Variants in DHX35 observed in about 807,000 individuals in gnomAD.
DHX35 encodes the protein DEAH-box helicase 35, also known as probable ATP-dependent RNA helicase DHX35.
Under a neutral mutation model 99.6 loss-of-function variants are expected in DHX35, and 84 were observed. The observed-to-expected ratio is 0.84, with a 90% CI of 0.71 to 1.01. The LOEUF is 1.01. Among genes scored for constraint, DHX35 ranks in the 50% least tolerant of loss-of-function variants. DHX35 has a pLI of 0.00. For synonymous variants in DHX35, 331 were observed against 316.2 expected, an observed-to-expected ratio of 1.05 and a Z score of -0.50; for missense variants, 852 against 888.5, an observed-to-expected ratio of 0.96 and a Z score of 0.52.
chr20:39,026,633 C>G (rs1024171695), intron 18 of DHX35, among the ~76,000 whole-genome samples: 2 of 152,100 alleles, frequency 1.3e-5, no homozygotes, highest in Non-Finnish European at 2.9e-5. Context: ...GGAGTCCGGT[C>G]AAGCTTTGGG....
Position 39,001,833 on chromosome 20 carries a change from A to C in DHX35, c.746A>C (p.Tyr249Ser). 6.2e-7 allele frequency: 1 copy of C among 1,610,956 alleles called. No individual in the cohort carries two copies. Among genetic ancestry groups the C allele is most frequent in the Non-Finnish European group, 8.5e-7 (1 of 1,177,508 alleles). ...AGAACATTTCCGGTGGATATCTTTTATCTACAAAGGTTTGATGATGCTTGA... is the reference window on the plus strand; with the variant it reads ...AGAACATTTCCGGTGGATATCTTTTCTCTACAAAGGTTTGATGATGCTTGA... Reference protein sequence around the residue: ...EGRTFPVDIFYLQSPVPDYIK... With the variant: ...EGRTFPVDIFSLQSPVPDYIK... The change falls in exon 9 of 22, where the codon TAT becomes TCT. Residue 249 changes from tyrosine (Y) to serine (S), a missense_variant. Transcript: ENST00000252011.
intron 3 of DHX35, among the ~76,000 whole-genome samples, chr20:38,983,050 T>A (rs888477427): frequency 3.3e-5 from 5 of 151,778 alleles, no homozygotes; most frequent in African/African-American, 4.8e-5. Context: ...CTCAGCCTCC[T>A]GAGTAGTCAC....
intron 13 of DHX35, 142 bp downstream of exon 13, chr20:39,010,546 C>T (rs2145912482): frequency 8.5e-7 from 1 of 1,179,158 alleles, no homozygotes; most frequent in Middle Eastern, 3.0e-4. Context: ...CAACCAGGCC[C>T]TGTGCAGGAC....
Position 38,994,888 on chromosome 20 carries a change from C to G in DHX35, c.642+8C>G. On this transcript the variant is annotated splice_region_variant and intron_variant, in intron 8 of 21. Transcript: ENST00000252011. ...GCCACTCTGGATGCAGACGTAAGAG[C>G]CTTGCCTCCCCTTTCCTCCTCTCCT... 6.2e-7 allele frequency: 1 copy of G among 1,612,842 alleles called. No individual in the cohort carries two copies. Among genetic ancestry groups the G allele is most frequent in the Non-Finnish European group, 8.5e-7 (1 of 1,178,928 alleles).
At chr20:39,004,113 A>G (rs1392868307) in intron 11 of DHX35, among the ~76,000 whole-genome samples, 1 of 151,998 alleles carries the variant, frequency 6.6e-6, no homozygotes, top group Admixed American at 6.6e-5. Flanking sequence ...CCCAGGCTGG[A>G]GTGCAGTGGC....
intron 15 of DHX35, among the ~76,000 whole-genome samples, chr20:39,021,425 T>C (rs2086870070): frequency 6.6e-6 from 1 of 152,246 alleles, no homozygotes; most frequent in Admixed American, 6.5e-5. Flanking sequence ...TCAAGGCTAC[T>C]ATTCATCTGG....
At chr20:39,036,255 GTTTC>G (rs2145954792) in intron 21 of DHX35, among the ~76,000 whole-genome samples, 1 of 152,302 alleles carries the variant, frequency 6.6e-6, no homozygotes, top group Non-Finnish European at 1.5e-5. Flanking sequence ...CAAAATTCCA[GTTTC>G]TTTAGGTCAA....
chr20:38,978,359 C>A, intron 3 of DHX35: 1 of 729,664 alleles, frequency 1.4e-6, no homozygotes, highest in South Asian at 1.4e-5. Context: ...GCCTTTAGTT[C>A]ACAACCAAAA....
At chr20:38,991,716 C>T (rs2086340491) in intron 6 of DHX35, among the ~76,000 whole-genome samples, 1 of 152,180 alleles carries the variant, frequency 6.6e-6, no homozygotes, top group South Asian at 2.1e-4. Flanking sequence ...AAAATGGGCA[C>T]ATTAAAATTC....
chr20:38,967,144 C>T (rs376992581), intron 1 of DHX35, among the ~76,000 whole-genome samples: 4 of 146,436 alleles, frequency 2.7e-5, no homozygotes, highest in African/African-American at 7.6e-5. Context: ...CGGACCCCCC[C>T]GAATTTTATA....
intron 3 of DHX35, chr20:38,978,429 G>A (rs1184215136): frequency 4.8e-6 from 3 of 630,668 alleles, no homozygotes; most frequent in Non-Finnish European, 5.8e-6. Flanking sequence ...TCATGGGGTG[G>A]TGGCACGTAC....
At chr20:39,003,478 C>T (rs750772807) in intron 10 of DHX35, among the ~76,000 whole-genome samples, 30 of 152,146 alleles carry the variant, frequency 2.0e-4, no homozygotes, top group Admixed American at 1.8e-3. Flanking sequence ...AAATAGTCAT[C>T]GTTTTTATTT....
intron 20 of DHX35, 71 bp from the exon 21 acceptor site, chr20:39,034,135 C>T (rs1600459218): frequency 9.1e-7 from 1 of 1,102,680 alleles, no homozygotes; most frequent in East Asian, 2.4e-5. Context: ...AAGGAAACAG[C>T]ATGTCTACCT....
At chr20:39,018,654 A>G (rs1314927661) in intron 14 of DHX35, 150 bp from the exon 15 acceptor site, 2 of 733,238 alleles carry the variant, frequency 2.7e-6, no homozygotes, top group African/African-American at 3.6e-5. Context: ...ATGGCACTCT[A>G]GTGTCAAATG....
At chr20:38,964,281 G>A (rs2085877981) in intron 1 of DHX35, among the ~76,000 whole-genome samples, 1 of 152,176 alleles carries the variant, frequency 6.6e-6, no homozygotes, top group Non-Finnish European at 1.5e-5. Flanking sequence ...TGTCCAGAAA[G>A]CCAAAATAAC....
In DHX35 at chr20:39,014,869, G is replaced by GT. The variant is rs1353399782; in HGVS notation, c.1348-5dup. The stretch of plus-strand genomic sequence containing the variant: ...TAAATTGATTCAGGAAGATTTTTAT[G>GT]TTTTTTCCAGCCCCCTCCAGCACAG... On this transcript the variant is annotated splice_polypyrimidine_tract_variant and intron_variant, in intron 13 of 21. Transcript: ENST00000252011. 6 of 1,613,948 alleles carry GT rather than the reference G, an allele frequency of 3.7e-6. No individual in the cohort carries two copies. The highest frequency in any genetic ancestry group is 1.1e-5 in the South Asian group (1 of 91,082).
At chr20:38,997,117 C>CT (rs2086443252) in intron 8 of DHX35, among the ~76,000 whole-genome samples, 1 of 151,884 alleles carries the variant, frequency 6.6e-6, no homozygotes, top group South Asian at 2.1e-4. Flanking sequence ...CTTGCCCAGG[C>CT]TGGAGTACAG....
At chr20:39,010,427 G>A in intron 13 of DHX35, 23 bp downstream of exon 13, 1 of 1,612,736 alleles carries the variant, frequency 6.2e-7, no homozygotes, top group Non-Finnish European at 8.5e-7. Context: ...TGCTGTCTGG[G>A]GCCATAGGGA....
intron 8 of DHX35, among the ~76,000 whole-genome samples, chr20:39,000,684 G>C (rs1369085621): frequency 6.6e-6 from 1 of 152,142 alleles, no homozygotes; most frequent in African/African-American, 2.4e-5. Flanking sequence ...CAGCTCCTGG[G>C]CTCCTGGGTT....
Sources: allele counts gnomAD v4.1 joint callset (sites outside exome capture counted in the v4.1 genomes callset), GRCh38; gene constraint gnomAD v4.1.1; transcripts MANE v1.5; gene names NCBI Gene and HGNC (gene_info 2026-07-23, HGNC 2026-07-21).